SLC35F1: variants seen among roughly 807,000 people sequenced by gnomAD.
The protein encoded by SLC35F1 is chromosome 6 open reading frame 169.
A neutral mutation model predicts 48.7 loss-of-function variants in SLC35F1; 14 were observed. That is an observed-to-expected ratio of 0.29 (90% CI 0.19 to 0.45). The LOEUF (loss-of-function observed/expected upper bound fraction) is 0.45. SLC35F1 is among the 20% of genes least tolerant of loss of function. The pLI is 1.00. For missense variants in SLC35F1, 404 were observed against 500.0 expected, an observed-to-expected ratio of 0.81 and a Z score of 1.83; for synonymous variants, 190 against 202.2, an observed-to-expected ratio of 0.94 and a Z score of 0.51.
intron 1 of SLC35F1, among the ~76,000 whole-genome samples, chr6:118,125,391 G>C (rs951767335): frequency 6.6e-6 from 1 of 150,822 alleles, no homozygotes; most frequent in Non-Finnish European, 1.5e-5. Context: ...GGGGGGATCA[G>C]ATACTTACTA....
intron 2 of SLC35F1, among the ~76,000 whole-genome samples, chr6:118,232,652 G>A (rs1455232319): frequency 1.3e-5 from 2 of 151,502 alleles, no homozygotes; most frequent in African/African-American, 2.4e-5. Context: ...GTAGAAGTGT[G>A]TATGCTGAGA....
intron 1 of SLC35F1, among the ~76,000 whole-genome samples, chr6:118,003,314 A>G (rs1003063642): frequency 6.6e-6 from 1 of 152,232 alleles, no homozygotes. Flanking sequence ...ATGAAAGAGG[A>G]TTGTTTATGA....
chr6:118,218,152 TAAGC>T (rs891037727), intron 2 of SLC35F1, among the ~76,000 whole-genome samples: 6 of 152,268 alleles, frequency 3.9e-5, no homozygotes, highest in Admixed American at 3.9e-4. Flanking sequence ...GGAAAATAGT[TAAGC>T]AAGGAGAAGG....
At chr6:117,946,211 GAGA>G (rs1562245194) in intron 1 of SLC35F1, among the ~76,000 whole-genome samples, 1 of 152,064 alleles carries the variant, frequency 6.6e-6, no homozygotes, top group Non-Finnish European at 1.5e-5. Flanking sequence ...GTTTGAGTAG[GAGA>G]AGAGTAGTCT....
At chr6:117,984,777 T>C (rs1776828207) in intron 1 of SLC35F1, among the ~76,000 whole-genome samples, 1 of 152,206 alleles carries the variant, frequency 6.6e-6, no homozygotes, top group Admixed American at 6.5e-5. Context: ...CTAGGCAGTA[T>C]GTGCATTTAT....
At chr6:118,169,011 C>T (rs1774360790) in intron 2 of SLC35F1, among the ~76,000 whole-genome samples, 1 of 152,156 alleles carries the variant, frequency 6.6e-6, no homozygotes, top group African/African-American at 2.4e-5. Context: ...CCAACTAGCT[C>T]ATCTCATTTT....
intron 2 of SLC35F1, among the ~76,000 whole-genome samples, chr6:118,226,672 A>G (rs1775223043): frequency 6.6e-6 from 1 of 152,220 alleles, no homozygotes; most frequent in South Asian, 2.1e-4. Context: ...TCATGAAGAT[A>G]GAGAGTAGAC....
rs17079958 is a variant in SLC35F1 at position 118,283,901 on chromosome 6, G to T, written c.848-1283G>T. On this transcript the variant is annotated intron_variant, in intron 6 of 7. Coordinates refer to ENST00000360388, the MANE Select transcript of SLC35F1 (RefSeq NM_001029858.4). ...AAACCAAACTAATATTACTGCGATA[G>T]AATCTACACGTAGGACTTTTACCTT... Among the ~76,000 whole-genome samples the T allele has an allele frequency of 9.7e-3, 1,477 of 151,580 alleles. 25 individuals are homozygous for T. The highest frequency in any genetic ancestry group is 0.034 in the African/African-American group (1,404 of 41,276).
In SLC35F1 at chr6:118,267,288, C is replaced by T. The variant is rs73514256; in HGVS notation, c.637+134C>T. 12,445 of 1,018,982 alleles carry T rather than the reference C, an allele frequency of 0.012. 1,009 individuals are homozygous for T. In the African/African-American group the frequency reaches 0.17, roughly 14 times the overall value. The allele number at this position is 1,018,982 out of a possible 1,614,324, so 63.1% of individuals were successfully genotyped here. ...CCCACTATCTGTGTCCTGTTCATGT[C>T]TGTTCCCCACACCTGAAACAGGGCA... is the stretch of plus-strand genomic sequence containing the variant. On this transcript the variant is annotated intron_variant, in intron 4 of 7. Transcript: ENST00000360388.
chr6:118,173,403 CA>C (rs60490371), intron 2 of SLC35F1, among the ~76,000 whole-genome samples: 17 of 136,322 alleles, frequency 1.2e-4, no homozygotes, highest in East Asian at 8.2e-4. Flanking sequence ...AAACAAAAAA[CA>C]AAAAAAAAAC....
At chr6:118,006,122 A>G (rs1329623187) in intron 1 of SLC35F1, among the ~76,000 whole-genome samples, 2 of 152,168 alleles carry the variant, frequency 1.3e-5, no homozygotes, top group African/African-American at 4.8e-5. Context: ...TAGTAGATTA[A>G]GTTAGAATTA....
intron 1 of SLC35F1, among the ~76,000 whole-genome samples, chr6:118,079,239 T>C (rs934919916): frequency 6.6e-6 from 1 of 152,210 alleles, no homozygotes; most frequent in Non-Finnish European, 1.5e-5. Context: ...TCTACTCTAC[T>C]TCTCCAGATA....
chr6:118,035,383 G>T (rs1367621265), intron 1 of SLC35F1, among the ~76,000 whole-genome samples: 2 of 151,666 alleles, frequency 1.3e-5, no homozygotes, highest in Non-Finnish European at 2.9e-5. Flanking sequence ...AAGGTGAGCA[G>T]ATCACCTGAG....
intron 1 of SLC35F1, among the ~76,000 whole-genome samples, chr6:117,946,844 G>A (rs1776301593): frequency 1.3e-5 from 2 of 152,146 alleles, no homozygotes; most frequent in South Asian, 2.1e-4. Flanking sequence ...TTTTCAAAAA[G>A]CAGTCCATTT....
chr6:117,962,207 A>AG (rs1168250534), intron 1 of SLC35F1, among the ~76,000 whole-genome samples: 13 of 152,304 alleles, frequency 8.5e-5, no homozygotes, highest in Admixed American at 6.5e-4. Flanking sequence ...TGAGATGAGC[A>AG]GGGGACTGCC....
intron 7 of SLC35F1, among the ~76,000 whole-genome samples, chr6:118,302,199 G>C (rs1483507290): frequency 6.6e-6 from 1 of 152,018 alleles, no homozygotes; most frequent in Non-Finnish European, 1.5e-5. Flanking sequence ...TACTTACGAG[G>C]AATGAGTGGG....
At chr6:118,303,916 A>G (rs1296096064) in intron 7 of SLC35F1, among the ~76,000 whole-genome samples, 1 of 152,214 alleles carries the variant, frequency 6.6e-6, no homozygotes, top group Non-Finnish European at 1.5e-5. Flanking sequence ...TGAATTTTGG[A>G]GAGACACAAT....
chr6:118,249,001 G>A (rs1236017486), intron 3 of SLC35F1, among the ~76,000 whole-genome samples: 1 of 152,210 alleles, frequency 6.6e-6, no homozygotes, highest in African/African-American at 2.4e-5. Flanking sequence ...ATGCACGCGA[G>A]GACACAGAGA....
At chr6:117,908,634 T>C (rs1186168648) in intron 1 of SLC35F1, among the ~76,000 whole-genome samples, 2 of 152,226 alleles carry the variant, frequency 1.3e-5, no homozygotes, top group African/African-American at 2.4e-5. Context: ...GCGTAGTGGA[T>C]TCAGGACGTT....
Sources: gnomAD v4.1 joint callset for allele counts (sites outside exome capture counted in the v4.1 genomes callset) on GRCh38, gnomAD v4.1.1 for gene constraint, MANE v1.5 for transcripts, NCBI Gene and HGNC (gene_info 2026-07-23, HGNC 2026-07-21) for gene names.